Variants in IMMP2L observed in about 807,000 individuals in gnomAD.
The protein encoded by IMMP2L is inner mitochondrial membrane peptidase subunit 2.
IMMP2L carries 18 observed loss-of-function variants against 19.3 expected under a neutral mutation model. The ratio of observed to expected loss-of-function variants is 0.93; its 90% CI spans 0.64 to 1.38. IMMP2L has a LOEUF of 1.38. Among genes scored for constraint, IMMP2L ranks in the 40% most tolerant of loss-of-function variants. IMMP2L has a pLI of 0.00. For synonymous variants in IMMP2L, 76 were observed against 73.0 expected, an observed-to-expected ratio of 1.04 and a Z score of -0.21; for missense variants, 233 against 218.2, an observed-to-expected ratio of 1.07 and a Z score of -0.43.
intron 5 of IMMP2L, among the ~76,000 whole-genome samples, chr7:110,774,937 A>G (rs1799277837): frequency 6.6e-6 from 1 of 152,092 alleles, no homozygotes; most frequent in South Asian, 2.1e-4. Context: ...TTAGTGTAAA[A>G]AAATAATGAA....
intron 3 of IMMP2L, among the ~76,000 whole-genome samples, chr7:111,319,653 T>C (rs1824469867): frequency 6.6e-6 from 1 of 152,136 alleles, no homozygotes; most frequent in Admixed American, 6.6e-5. Flanking sequence ...TCTGTTTTAA[T>C]ACAGAAGGCT....
chr7:111,113,717 C>T (rs1799513412), intron 3 of IMMP2L, among the ~76,000 whole-genome samples: 1 of 152,100 alleles, frequency 6.6e-6, no homozygotes, highest in South Asian at 2.1e-4. Flanking sequence ...ACATGAGACA[C>T]ACATTTCCCA....
chr7:111,555,599 CTATG>C (rs2133139462), intron 1 of IMMP2L, among the ~76,000 whole-genome samples: 1 of 152,134 alleles, frequency 6.6e-6, no homozygotes, highest in East Asian at 1.9e-4. Flanking sequence ...TATGATTTCA[CTATG>C]TATTTGACTT....
intron 3 of IMMP2L, among the ~76,000 whole-genome samples, chr7:111,485,378 T>G (rs2132251107): frequency 6.6e-6 from 1 of 151,892 alleles, no homozygotes; most frequent in Admixed American, 6.6e-5. Flanking sequence ...GGTGGATAGA[T>G]TATGAGGTCA....
intron 3 of IMMP2L, among the ~76,000 whole-genome samples, chr7:111,009,550 C>A (rs926252805): frequency 6.6e-6 from 1 of 151,848 alleles, no homozygotes; most frequent in African/African-American, 2.4e-5. Flanking sequence ...TACAAGAACA[C>A]CTTGCAGTTG....
At chr7:111,487,999 A>G (rs1842792537) in intron 2 of IMMP2L, among the ~76,000 whole-genome samples, 1 of 152,112 alleles carries the variant, frequency 6.6e-6, no homozygotes, top group Non-Finnish European at 1.5e-5. Flanking sequence ...ATTTTGTGTA[A>G]GAATTTTTCT....
At chr7:111,465,825 G>T (rs1012534252) in intron 3 of IMMP2L, among the ~76,000 whole-genome samples, 1 of 152,046 alleles carries the variant, frequency 6.6e-6, no homozygotes, top group African/African-American at 2.4e-5. Context: ...CCATTACTGG[G>T]TATATACCCA....
At chr7:111,136,337 T>A (rs1362579847) in intron 3 of IMMP2L, among the ~76,000 whole-genome samples, 1 of 152,172 alleles carries the variant, frequency 6.6e-6, no homozygotes, top group Non-Finnish European at 1.5e-5. Context: ...CCCTATTACA[T>A]TTTTTAAAAG....
chr7:111,325,164 C>A (rs994838185), intron 3 of IMMP2L, among the ~76,000 whole-genome samples: 8 of 151,594 alleles, frequency 5.3e-5, no homozygotes, highest in Non-Finnish European at 1.0e-4. Context: ...ATTTTAGTTA[C>A]AAAATAATAT....
chr7:111,053,138 G>A (rs763052453), intron 3 of IMMP2L, among the ~76,000 whole-genome samples: 1 of 152,186 alleles, frequency 6.6e-6, no homozygotes, highest in Non-Finnish European at 1.5e-5. Flanking sequence ...TTTAGAGCAG[G>A]AACAAAAGGA....
chr7:110,974,076 T>C lies in IMMP2L; in HGVS notation c.240-10511A>G, dbSNP rs552045441. Among the ~76,000 whole-genome samples, 41 of 152,170 alleles carry C rather than the reference T, an allele frequency of 2.7e-4. No homozygotes were observed. The South Asian group carries it at 7.9e-3, about 29-fold the overall frequency. On this transcript the variant is annotated intron_variant, in intron 3 of 5. Coordinates refer to ENST00000405709, the MANE Select transcript of IMMP2L (RefSeq NM_032549.4). ...TAATAGTCCTCAAATACCTCTACAA[T>C]TGAGTAAAAATAAGGCCAAAAAGAA... is the stretch of plus-strand genomic sequence containing the variant.
At chr7:111,547,640 C>CAA (rs1849058262) in intron 1 of IMMP2L, among the ~76,000 whole-genome samples, 1 of 151,722 alleles carries the variant, frequency 6.6e-6, no homozygotes, top group East Asian at 1.9e-4. Context: ...ACTGCAGTCT[C>CAA]AAACTCCTGG....
intron 1 of IMMP2L, among the ~76,000 whole-genome samples, chr7:111,538,816 TAAAAAAAAAA>T (rs768599585): frequency 3.6e-5 from 3 of 82,422 alleles, no homozygotes; most frequent in South Asian, 7.5e-4. Context: ...CTGGCTCATT[TAAAAAAAAAA>T]AAAAAAAAAA....
intron 3 of IMMP2L, among the ~76,000 whole-genome samples, chr7:111,359,623 C>T (rs1829070491): frequency 1.3e-5 from 2 of 151,870 alleles, no homozygotes; most frequent in Admixed American, 6.6e-5. Context: ...ATAAACACCA[C>T]AGAAATTGCA....
At chr7:111,208,627 C>T (rs1810976400) in intron 3 of IMMP2L, among the ~76,000 whole-genome samples, 1 of 152,038 alleles carries the variant, frequency 6.6e-6, no homozygotes, top group Non-Finnish European at 1.5e-5. Flanking sequence ...AGTTATAAAA[C>T]AAATGAAAAC....
intron 3 of IMMP2L, among the ~76,000 whole-genome samples, chr7:110,972,200 A>T (rs2129556723): frequency 6.6e-6 from 1 of 152,112 alleles, no homozygotes. Context: ...TTGGGATTTT[A>T]AAAAATCAAC....
chr7:110,929,705 A>G (rs1815262911), intron 4 of IMMP2L, among the ~76,000 whole-genome samples: 1 of 152,204 alleles, frequency 6.6e-6, no homozygotes, highest in Non-Finnish European at 1.5e-5. Flanking sequence ...CAGGCTCATG[A>G]CTTACAAGAA....
intron 3 of IMMP2L, among the ~76,000 whole-genome samples, chr7:111,353,032 G>A (rs1374354104): frequency 6.6e-6 from 1 of 152,112 alleles, no homozygotes; most frequent in African/African-American, 2.4e-5. Context: ...CTCTCATATA[G>A]TTAACCATCT....
chr7:111,111,913 T>C (rs1223926771), intron 3 of IMMP2L, among the ~76,000 whole-genome samples: 2 of 146,844 alleles, frequency 1.4e-5, no homozygotes, highest in Non-Finnish European at 3.0e-5. Context: ...TTTATTTATA[T>C]ATTTTATTTA....
Sources: gnomAD v4.1 joint callset for allele counts (sites outside exome capture counted in the v4.1 genomes callset) on GRCh38, gnomAD v4.1.1 for gene constraint, MANE v1.5 for transcripts, NCBI Gene and HGNC (gene_info 2026-07-23, HGNC 2026-07-21) for gene names.